The following HK1 variants were observed in gnomAD, a reference collection of about 807,000 sequenced individuals.
HK1 encodes hexokinase 1.
In HK1, 28 loss-of-function variants were observed where a neutral mutation model predicts 91.6. The observed-to-expected ratio is 0.31, with a 90% CI of 0.23 to 0.42. The LOEUF (loss-of-function observed/expected upper bound fraction) is 0.42. Ranked by LOEUF, HK1 falls within the 10% of genes least tolerant of loss-of-function variation. The pLI is 1.00. For synonymous variants in HK1, 430 were observed against 468.1 expected (o/e 0.92, Z 1.05); for missense variants, 770 against 1,219.8 (o/e 0.63, Z 5.49).
At chr10:69,270,307 G>A (rs780375856) in intron 1 of HK1, among the ~76,000 whole-genome samples, 20 of 152,032 alleles carry the variant, frequency 1.3e-4, no homozygotes, top group South Asian at 2.1e-4. Flanking sequence ...TTGGCTGGGC[G>A]TGGTGGCTCA....
At chr10:69,368,730 C>A in intron 5 of HK1, 99 bp downstream of exon 5, 2 of 920,334 alleles carry the variant, frequency 2.2e-6, no homozygotes, top group Non-Finnish European at 3.5e-6. Context: ...GGCAGTAGTG[C>A]CAAAGCCTGA....
intron 2 of HK1, among the ~76,000 whole-genome samples, chr10:69,286,620 C>A (rs1439832232): frequency 6.6e-6 from 1 of 151,732 alleles, no homozygotes; most frequent in Non-Finnish European, 1.5e-5. Flanking sequence ...GCAATCTCGG[C>A]TCACTGCAAC....
chr10:69,314,888 G>A (rs1320400974), upstream of HK1, among the ~76,000 whole-genome samples: 1 of 152,022 alleles, frequency 6.6e-6, no homozygotes, highest in Non-Finnish European at 1.5e-5. Flanking sequence ...GGCTGGTCTC[G>A]AACTCCTGAC....
chr10:69,392,111 C>T lies in HK1; in HGVS notation c.2036-14C>T. ...CAAGGCCACCGCTCCTCATTGCCCC[C>T]TCGTGTGTTCCAGGGACCGGCAGCA... On this transcript the variant is annotated splice_polypyrimidine_tract_variant and intron_variant, in intron 14 of 17. Coordinates refer to ENST00000359426, the MANE Select transcript of HK1 (RefSeq NM_000188.3). 2 of 1,614,158 alleles carry T rather than the reference C, an allele frequency of 1.2e-6. No individual in the cohort carries two copies. Among genetic ancestry groups the T allele is most frequent in the Non-Finnish European group, 1.7e-6 (2 of 1,180,036 alleles).
chr10:69,364,739 A>T (rs1426437013), intron 3 of HK1, 44 bp from the exon 4 acceptor site: 1 of 1,612,850 alleles, frequency 6.2e-7, no homozygotes, highest in Admixed American at 1.7e-5. Context: ...ATGAAATGCT[A>T]AGCCTGCTTT....
intron 2 of HK1, among the ~76,000 whole-genome samples, chr10:69,351,836 G>A (rs1848891436): frequency 6.6e-6 from 1 of 152,142 alleles, no homozygotes; most frequent in African/African-American, 2.4e-5. Context: ...GGGTTGTGAA[G>A]ATTGAAAATA....
chr10:69,308,080 C>G (rs140107518), intron 5 of HK1, among the ~76,000 whole-genome samples: 147 of 152,260 alleles, frequency 9.7e-4, no homozygotes, highest in African/African-American at 3.0e-3. Flanking sequence ...CTCAAGTGAT[C>G]GACCCACCTC....
At chr10:69,313,833 G>C (rs1846505710), upstream of HK1, among the ~76,000 whole-genome samples, 2 of 151,988 alleles carry the variant, frequency 1.3e-5, no homozygotes, top group Non-Finnish European at 2.9e-5. Flanking sequence ...TTTTTTTAAG[G>C]GCAGGCACAA....
rs767903596 is a variant in HK1 at position 69,319,019 on chromosome 10, C to G, written c.63+9C>G. 6.3e-7 allele frequency: 1 copy of G among 1,592,760 alleles called. No homozygotes were observed. The highest frequency in any genetic ancestry group is 1.7e-5 in the Admixed American group (1 of 57,894). On this transcript the variant is annotated intron_variant, in intron 1 of 17. Coordinates refer to ENST00000359426, the MANE Select transcript of HK1 (RefSeq NM_000188.3). The stretch of plus-strand genomic sequence containing the variant: ...ATGACCAGGTCAAAAAGGTGAGCCC[C>G]CGCCCGCGCCGCCGCTGGTCCTGGC...
At chr10:69,378,449 G>GTT (rs938502517) in intron 8 of HK1, among the ~76,000 whole-genome samples, 57 of 152,118 alleles carry the variant, frequency 3.7e-4, no homozygotes, top group African/African-American at 1.3e-3. Context: ...TTTTGTTTTT[G>GTT]TTTTTAAAGA....
intron 17 of HK1, among the ~76,000 whole-genome samples, chr10:69,400,435 G>A (rs1020659518): frequency 4.7e-5 from 7 of 149,964 alleles, no homozygotes; most frequent in Admixed American, 1.3e-4. Flanking sequence ...TTGGGGGCCA[G>A]GCTGTTGATG....
chr10:69,328,355 G>T (rs1847500306), intron 1 of HK1, among the ~76,000 whole-genome samples: 1 of 152,200 alleles, frequency 6.6e-6, no homozygotes, highest in Non-Finnish European at 1.5e-5. Flanking sequence ...GCCTTACAGG[G>T]AAGGGGGCAT....
At chr10:69,329,276 C>T (rs1032805321) in intron 1 of HK1, among the ~76,000 whole-genome samples, 1 of 151,884 alleles carries the variant, frequency 6.6e-6, no homozygotes, top group Non-Finnish European at 1.5e-5. Flanking sequence ...GATTCTCCTG[C>T]CTCAGCCTCC....
chr10:69,319,251 G>A (rs907070994), intron 1 of HK1: 10 of 605,304 alleles, frequency 1.7e-5, no homozygotes, highest in Admixed American at 2.8e-5. Flanking sequence ...CGGGCTGCCT[G>A]CTGCAGTGTC....
intron 15 of HK1, among the ~76,000 whole-genome samples, chr10:69,394,662 G>A (rs185157937): frequency 6.6e-5 from 10 of 152,304 alleles, no homozygotes; most frequent in African/African-American, 2.4e-4. Context: ...CAGGCTCTCG[G>A]GGAAGTGACC....
intron 7 of HK1, among the ~76,000 whole-genome samples, chr10:69,373,451 G>T (rs1235649992): frequency 6.6e-6 from 1 of 152,138 alleles, no homozygotes; most frequent in Non-Finnish European, 1.5e-5. Context: ...TTTCTAAAAG[G>T]GATCAGTCTT....
intron 7 of HK1, among the ~76,000 whole-genome samples, chr10:69,376,462 T>C (rs1839112291): frequency 6.6e-6 from 1 of 152,094 alleles, no homozygotes; most frequent in Non-Finnish European, 1.5e-5. Flanking sequence ...CGAGATTGTG[T>C]CACTGCGCTC....
At chr10:69,314,385 G>A (rs1846535177), upstream of HK1, among the ~76,000 whole-genome samples, 3 of 152,164 alleles carry the variant, frequency 2.0e-5, no homozygotes, top group African/African-American at 4.8e-5. Context: ...TGGCTTTGGT[G>A]CAGCCAGGTT....
upstream of HK1, among the ~76,000 whole-genome samples, chr10:69,313,493 G>T (rs971624867): frequency 2.6e-5 from 4 of 151,900 alleles, no homozygotes; most frequent in African/African-American, 9.7e-5. Flanking sequence ...ACGGAATTTC[G>T]CTTTTGTGGC....
Sources: gnomAD v4.1 joint callset for allele counts (sites outside exome capture counted in the v4.1 genomes callset) on GRCh38, gnomAD v4.1.1 for gene constraint, MANE v1.5 for transcripts, NCBI Gene and HGNC (gene_info 2026-07-23, HGNC 2026-07-21) for gene names.